The following SSH2 variants were observed in gnomAD, a reference collection of about 807,000 sequenced individuals.
SSH2 encodes the protein protein phosphatase Slingshot homolog 2.
Under a neutral mutation model 135.2 loss-of-function variants are expected in SSH2, and 37 were observed. The observed-to-expected ratio is 0.27, with a 90% CI of 0.21 to 0.36. The LOEUF (loss-of-function observed/expected upper bound fraction) is 0.36. Among genes scored for constraint, SSH2 ranks in the 10% least tolerant of loss-of-function variants. The pLI, the probability that SSH2 is intolerant of heterozygous loss-of-function variation, is 1.00. For missense variants in SSH2, 1,408 were observed against 1,765.3 expected, an observed-to-expected ratio of 0.80 and a Z score of 3.63; for synonymous variants, 628 against 646.2, an observed-to-expected ratio of 0.97 and a Z score of 0.43.
chr17:29,732,802 A>G (rs2040241865), intron 3 of SSH2, among the ~76,000 whole-genome samples: 1 of 152,204 alleles, frequency 6.6e-6, no homozygotes, highest in Non-Finnish European at 1.5e-5. Context: ...AGAACAACCA[A>G]TGATCAATTT....
At chr17:29,685,452 G>A (rs545812285) in intron 5 of SSH2, among the ~76,000 whole-genome samples, 3 of 152,102 alleles carry the variant, frequency 2.0e-5, no homozygotes, top group African/African-American at 7.2e-5. Context: ...AGGGAGTGGG[G>A]ACAGATGAAA....
At chr17:29,881,721 C>G (rs2066141447) in intron 1 of SSH2, among the ~76,000 whole-genome samples, 1 of 152,078 alleles carries the variant, frequency 6.6e-6, no homozygotes, top group African/African-American at 2.4e-5. Flanking sequence ...AGGCTGGTCT[C>G]AAACTCCTGA....
intron 12 of SSH2, among the ~76,000 whole-genome samples, chr17:29,652,355 A>G (rs771443706): frequency 6.6e-6 from 1 of 152,172 alleles, no homozygotes; most frequent in African/African-American, 2.4e-5. Flanking sequence ...GTTGATGAAC[A>G]TTAGTGATTT....
chr17:29,758,491 A>G (rs995140371), intron 3 of SSH2, among the ~76,000 whole-genome samples: 3 of 152,228 alleles, frequency 2.0e-5, no homozygotes, highest in African/African-American at 7.2e-5. Context: ...AACAGCAGCT[A>G]TTAGTTATTA....
intron 2 of SSH2, among the ~76,000 whole-genome samples, chr17:29,815,886 T>C (rs1423688414): frequency 6.6e-6 from 1 of 152,194 alleles, no homozygotes; most frequent in Middle Eastern, 3.4e-3. Context: ...TCTCGCTCTG[T>C]TGCCCAGGCT....
In SSH2 at chr17:29,743,907, CTTTTTTTTTTTTTT is replaced by C. The variant is rs59540894; in HGVS notation, c.189-40859_189-40846del. On this transcript the variant is annotated intron_variant, in intron 3 of 15. Transcript: ENST00000540801. ...GGCATAATTTCTTTTTTCTTTTTTC[CTTTTTTTTTTTTTT>C]TTTTTTTTTTACAAAACAAAACGCT... 2.9e-4 allele frequency among the ~76,000 whole-genome samples: 29 copies of C among 99,862 alleles called. No homozygotes were observed. In the South Asian group the frequency reaches 6.5e-3, roughly 22 times the overall value. The allele number at this position is 99,862 out of a possible 152,430, so 65.5% of individuals were successfully genotyped here.
intron 1 of SSH2, among the ~76,000 whole-genome samples, chr17:29,849,163 G>A (rs1394090956): frequency 6.6e-6 from 1 of 152,182 alleles, no homozygotes; most frequent in Non-Finnish European, 1.5e-5. Flanking sequence ...TGGGGAAAGA[G>A]CCAGCACATC....
intron 3 of SSH2, among the ~76,000 whole-genome samples, chr17:29,737,264 G>A (rs772655017): frequency 4.6e-5 from 7 of 151,804 alleles, no homozygotes; most frequent in Non-Finnish European, 7.4e-5. Context: ...CTACACTTCC[G>A]TTTGTGGTTC....
chr17:29,711,197 A>ACT (rs1259066625), intron 3 of SSH2, among the ~76,000 whole-genome samples: 2 of 151,978 alleles, frequency 1.3e-5, no homozygotes, highest in Non-Finnish European at 2.9e-5. Context: ...TTCCACTTAA[A>ACT]CTCTGTTGCA....
intron 1 of SSH2, among the ~76,000 whole-genome samples, chr17:29,914,556 C>T (rs1217390217): frequency 9.3e-6 from 1 of 107,504 alleles, no homozygotes; most frequent in Non-Finnish European, 2.0e-5. Context: ...GAGACCCTGT[C>T]TGAAAAAAAA....
Position 29,631,794 on chromosome 17 carries a change from GGCT to G in SSH2, c.3397_3399del (p.Ser1133del), listed in dbSNP as rs1451278179. 1.2e-6 allele frequency: 2 copies of G among 1,614,134 alleles called. No individual in the cohort carries two copies. Among genetic ancestry groups the G allele is most frequent in the Non-Finnish European group, 1.7e-6 (2 of 1,180,062 alleles). ...GCTGCTGTCTCCAGGGCTGTGGACA[GGCT>G]GCTGCCTCTGTCTTCAGGGCTACTC... On this transcript the variant is annotated inframe_deletion, in exon 16 of 16. Coordinates refer to ENST00000540801, the MANE Select transcript of SSH2 (RefSeq NM_001282129.2).
chr17:29,715,276 C>T (rs183799424), intron 3 of SSH2, among the ~76,000 whole-genome samples: 7 of 150,688 alleles, frequency 4.6e-5, no homozygotes, highest in Admixed American at 2.0e-4. Context: ...GATGGAGTCT[C>T]GCTCTGTTGC....
chr17:29,666,723 G>T, intron 11 of SSH2, 144 bp downstream of exon 11: 1 of 712,622 alleles, frequency 1.4e-6, no homozygotes, highest in Non-Finnish European at 2.3e-6. Context: ...TAATTAGGAA[G>T]TGATGAGGTT....
intron 3 of SSH2, among the ~76,000 whole-genome samples, chr17:29,737,526 GA>G (rs1228363360): frequency 6.6e-6 from 1 of 152,172 alleles, no homozygotes; most frequent in Admixed American, 6.5e-5. Context: ...GTAGGGATAT[GA>G]AATTAACTAC....
chr17:29,657,394 C>T (rs994486382), intron 11 of SSH2, among the ~76,000 whole-genome samples: 7 of 150,668 alleles, frequency 4.6e-5, no homozygotes, highest in African/African-American at 1.2e-4. Context: ...CTCAGCCACC[C>T]GAGTAGCTGG....
intron 3 of SSH2, among the ~76,000 whole-genome samples, chr17:29,752,315 G>A (rs1409278366): frequency 6.6e-6 from 1 of 152,154 alleles, no homozygotes; most frequent in African/African-American, 2.4e-5. Context: ...AGTAAAATGA[G>A]TACTGGCATA....
chr17:29,752,765 G>A (rs1487448959), intron 3 of SSH2, among the ~76,000 whole-genome samples: 3 of 145,898 alleles, frequency 2.1e-5, no homozygotes, highest in African/African-American at 2.5e-5. Context: ...CACATACTCA[G>A]AATATATAGA....
rs1416819267 is a variant in SSH2 at position 29,632,524 on chromosome 17, A to G, written c.2670T>C (p.Pro890=). ...SGMHPGAKWY[P]GSVRRATLEF... ...CCAAGGTGGCTCGCCTCACAGACCC[A>G]GGGTACCACTTGGCACCTGGGTGCA... Residue 890 remains proline, a synonymous_variant, in exon 16 of 16, where the codon CCT becomes CCC. Transcript: ENST00000540801. 1 of 1,614,132 alleles carries G rather than the reference A, an allele frequency of 6.2e-7. No homozygotes were observed. Among genetic ancestry groups the G allele is most frequent in the Non-Finnish European group, 8.5e-7 (1 of 1,180,002 alleles).
Position 29,629,298 on chromosome 17 carries a change from C to T in SSH2, c.*1543G>A, listed in dbSNP as rs999608792. 5.2e-5 allele frequency: 8 copies of T among 152,682 alleles called. No individual in the cohort carries two copies. The highest frequency in any genetic ancestry group is 1.0e-4 in the Non-Finnish European group (7 of 68,050). 9.5% of individuals were successfully genotyped at this position (152,682 alleles called of 1,614,324 possible). A position where few individuals can be genotyped will look rare whatever the true frequency, so the allele number is the denominator to read the frequency against. ...GCCTTCAGCCTCTACTAGGAGCTTC[C>T]ACTCTGGGCAACTCACATATACTTC... On this transcript the variant is annotated 3_prime_UTR_variant, in exon 16 of 16. Coordinates refer to ENST00000540801, the MANE Select transcript of SSH2 (RefSeq NM_001282129.2).
Sources: allele counts gnomAD v4.1 joint callset (sites outside exome capture counted in the v4.1 genomes callset), GRCh38; gene constraint gnomAD v4.1.1; transcripts MANE v1.5; gene names NCBI Gene and HGNC (gene_info 2026-07-23, HGNC 2026-07-21).